The following KATNAL1 variants were observed in gnomAD, a reference collection of about 807,000 sequenced individuals.
KATNAL1 encodes katanin p60 ATPase-containing subunit A-like 1.
KATNAL1 carries 32 observed loss-of-function variants against 55.2 expected under a neutral mutation model. The observed-to-expected ratio is 0.58, with a 90% CI of 0.44 to 0.78. The LOEUF is 0.78. Ranked by LOEUF, KATNAL1 falls within the 30% of genes least tolerant of loss-of-function variation. The probability of loss-of-function intolerance (pLI) is 0.00; values close to 1 mark genes in which losing one functional copy is unlikely to be tolerated. For missense variants in KATNAL1, 466 were observed against 600.9 expected (o/e 0.78, Z 2.35); for synonymous variants, 193 against 193.6 (o/e 1.00, Z 0.02).
At chr13:30,300,099 G>A (rs1220060490) in intron 1 of KATNAL1, among the ~76,000 whole-genome samples, 4 of 151,992 alleles carry the variant, frequency 2.6e-5, no homozygotes, top group African/African-American at 9.7e-5. Context: ...ATCCCACCAG[G>A]GATGTCACTC....
intron 9 of KATNAL1, among the ~76,000 whole-genome samples, chr13:30,218,598 C>T (rs1874546118): frequency 6.6e-6 from 1 of 152,130 alleles, no homozygotes; most frequent in Non-Finnish European, 1.5e-5. Flanking sequence ...TTGGTGTGGG[C>T]CTGAGAATGT....
chr13:30,278,039 A>G (rs1593935786), intron 3 of KATNAL1, among the ~76,000 whole-genome samples: 1 of 147,192 alleles, frequency 6.8e-6, no homozygotes, highest in African/African-American at 2.5e-5. Flanking sequence ...TTTGCCTTAT[A>G]TTGTTAATTG....
intron 1 of KATNAL1, among the ~76,000 whole-genome samples, chr13:30,302,414 C>CT (rs1882911532): frequency 6.6e-6 from 1 of 151,266 alleles, no homozygotes. Flanking sequence ...AAATACCAGT[C>CT]ATCCATACTC....
intron 2 of KATNAL1, among the ~76,000 whole-genome samples, chr13:30,282,850 G>A (rs561008089): frequency 2.0e-5 from 3 of 151,368 alleles, no homozygotes; most frequent in South Asian, 4.2e-4. Context: ...AGCTACTCGG[G>A]AGGCTGAGGC....
At chr13:30,297,745 C>G (rs1882609969) in intron 1 of KATNAL1, among the ~76,000 whole-genome samples, 1 of 152,158 alleles carries the variant, frequency 6.6e-6, no homozygotes, top group Non-Finnish European at 1.5e-5. Context: ...GGCCATTATC[C>G]TTAACAAATA....
At chr13:30,294,292 A>T (rs978711325) in intron 1 of KATNAL1, among the ~76,000 whole-genome samples, 4 of 152,198 alleles carry the variant, frequency 2.6e-5, no homozygotes, top group South Asian at 2.1e-4. Context: ...TGCAAAGAAG[A>T]AGTTCTTGAA....
intron 3 of KATNAL1, among the ~76,000 whole-genome samples, chr13:30,275,344 C>A (rs1253737128): frequency 6.6e-6 from 1 of 152,186 alleles, no homozygotes; most frequent in South Asian, 2.1e-4. Context: ...TGAGCAAGAA[C>A]TCATTCATTA....
At position 30,208,494 on chromosome 13, in the gene KATNAL1, G is replaced by A. The variant is rs760140811; in HGVS notation, c.*46C>T. 3.7e-5 allele frequency: 52 copies of A among 1,388,402 alleles called. No homozygotes were observed. The highest frequency in any genetic ancestry group is 1.7e-4 in the South Asian group (10 of 57,486). 86.0% of individuals were successfully genotyped at this position (1,388,402 alleles called of 1,614,324 possible). ...TTTTAAAAATTGCAGGAATTTCTTC[G>A]TATTTTATCAACAAAAATACCAGAA... On this transcript the variant is annotated 3_prime_UTR_variant, in exon 11 of 11. Transcript: ENST00000380615.
In KATNAL1 at chr13:30,209,199, G is replaced by C. The variant is rs114683202; in HGVS notation, c.1275-461C>G. The stretch of plus-strand genomic sequence containing the variant: ...TGAATATCCACATATAGTGGACATG[G>C]AATTCCCTACATGGAGTATTTGTAG... On this transcript the variant is annotated intron_variant, in intron 10 of 10. Transcript: ENST00000380615. 2.9e-3 allele frequency among the ~76,000 whole-genome samples: 434 copies of C among 152,276 alleles called. 4 individuals are homozygous for C. The highest frequency in any genetic ancestry group is 9.9e-3 in the African/African-American group (412 of 41,558).
At chr13:30,210,649 T>C (rs1011903802) in intron 9 of KATNAL1, 4 of 37,884 alleles carry the variant, frequency 1.1e-4, no homozygotes, top group African/African-American at 8.0e-4. Context: ...AACTAAAAAT[T>C]GAAAAAAAAA....
At chr13:30,213,327 C>T (rs572783472) in intron 9 of KATNAL1, among the ~76,000 whole-genome samples, 451 of 152,264 alleles carry the variant, frequency 3.0e-3, no homozygotes, top group Non-Finnish European at 3.1e-3. Flanking sequence ...GATTCATAGC[C>T]GAATTCCACC....
At position 30,281,145 on chromosome 13, in the gene KATNAL1, A is replaced by AAAGAAAAT. The variant is rs1881269826; in HGVS notation, c.163-930_163-923dup. Reference sequence around the variant, plus strand: ...GTCAAAAAAAAAAAAAAAGAAAAGAAAAGAAAATTACAATTATAAATTCAT... The same window carrying AAAGAAAAT: ...GTCAAAAAAAAAAAAAAAGAAAAGAAAAGAAAATAAGAAAATTACAATTATAAATTCAT... On this transcript the variant is annotated intron_variant, in intron 2 of 10. Transcript: ENST00000380615. Among the ~76,000 whole-genome samples the AAAGAAAAT allele has an allele frequency of 3.4e-5, 5 of 147,776 alleles. No homozygotes were observed. The South Asian group carries it at 8.4e-4, about 25-fold the overall frequency.
intron 2 of KATNAL1, 87 bp downstream of exon 2, chr13:30,283,529 C>T: frequency 8.2e-7 from 1 of 1,225,324 alleles, no homozygotes; most frequent in Admixed American, 2.3e-5. Flanking sequence ...CCATCTCAAA[C>T]TCAAAATTAG....
rs563523364 is a variant in KATNAL1 at position 30,277,187 on chromosome 13, G to A, written c.323+2876C>T. On this transcript the variant is annotated intron_variant, in intron 3 of 10. Transcript: ENST00000380615. ...CTGCAGGGAGAAAATAAAATGACTT[G>A]TTTTATGAATGAGGCTATCATTTTT... Among the ~76,000 whole-genome samples the A allele has an allele frequency of 3.3e-5, 5 of 152,280 alleles. No homozygotes were observed. The South Asian group carries it at 1.0e-3, about 32-fold the overall frequency.
intron 9 of KATNAL1, among the ~76,000 whole-genome samples, chr13:30,213,662 T>C (rs1029688655): frequency 2.6e-5 from 4 of 152,058 alleles, no homozygotes; most frequent in African/African-American, 7.2e-5. Context: ...AACAGAACCA[T>C]AGACAAAAAC....
chr13:30,213,835 C>T (rs981636609), intron 9 of KATNAL1, among the ~76,000 whole-genome samples: 12 of 152,192 alleles, frequency 7.9e-5, no homozygotes, highest in Non-Finnish European at 1.5e-4. Flanking sequence ...TGGGCAAAAA[C>T]TGGAAGCATT....
chr13:30,221,388 C>A lies in KATNAL1; in HGVS notation c.1147+6024G>T, dbSNP rs145574037. ...GTTCTGCCAGTAATCTGAATGCCTG[C>A]CAGATCACTATTTAAAGGAAAATAC... On this transcript the variant is annotated intron_variant, in intron 9 of 10. Coordinates refer to ENST00000380615, the MANE Select transcript of KATNAL1 (RefSeq NM_032116.5). 1.1e-4 allele frequency among the ~76,000 whole-genome samples: 17 copies of A among 152,240 alleles called. No individual in the cohort carries two copies. In the East Asian group the frequency reaches 3.1e-3, roughly 28 times the overall value.
In KATNAL1 at chr13:30,287,882, G is replaced by C. The variant is rs577973530; in HGVS notation, c.-14-4091C>G. On this transcript the variant is annotated intron_variant, in intron 1 of 10. Coordinates refer to ENST00000380615, the MANE Select transcript of KATNAL1 (RefSeq NM_032116.5). ...AAAGACCTAACAAGTAAATATTTTA[G>C]GCTTTGACAGCTAACAAACAAAATG... 3.9e-5 allele frequency among the ~76,000 whole-genome samples: 6 copies of C among 152,190 alleles called. No individual in the cohort carries two copies. The South Asian group carries it at 1.2e-3, about 32-fold the overall frequency.
chr13:30,263,690 G>A (rs1879500192), intron 3 of KATNAL1, among the ~76,000 whole-genome samples: 1 of 147,440 alleles, frequency 6.8e-6, no homozygotes, highest in South Asian at 2.2e-4. Flanking sequence ...ACCTCTTCAA[G>A]GAGAACTACA....
Sources: allele counts gnomAD v4.1 joint callset (sites outside exome capture counted in the v4.1 genomes callset), GRCh38; gene constraint gnomAD v4.1.1; transcripts MANE v1.5; gene names NCBI Gene and HGNC (gene_info 2026-07-23, HGNC 2026-07-21).